The following UBXN7 variants were observed in gnomAD, a reference collection of about 807,000 sequenced individuals.
The protein encoded by UBXN7 is UBX domain-containing protein 7.
In UBXN7, 9 loss-of-function variants were observed where a neutral mutation model predicts 58.0. That is an observed-to-expected ratio of 0.16 (90% CI 0.09 to 0.27). The LOEUF is 0.27. Ranked by LOEUF, UBXN7 falls within the 10% of genes least tolerant of loss-of-function variation. UBXN7 has a pLI of 1.00. For missense variants in UBXN7, 328 were observed against 599.6 expected, an observed-to-expected ratio of 0.55 and a Z score of 4.73; for synonymous variants, 208 against 205.0, an observed-to-expected ratio of 1.01 and a Z score of -0.12.
chr3:196,422,732 A>G (rs1309274053), intron 1 of UBXN7, among the ~76,000 whole-genome samples: 1 of 152,136 alleles, frequency 6.6e-6, no homozygotes, highest in Non-Finnish European at 1.5e-5. Flanking sequence ...TTAGAAAGTT[A>G]ATATAACTAT....
In UBXN7 at chr3:196,362,584, C is replaced by A; in HGVS notation, c.938G>T (p.Arg313Leu). 1 of 1,614,154 alleles carries A rather than the reference C, an allele frequency of 6.2e-7. No homozygotes were observed. Among genetic ancestry groups the A allele is most frequent in the South Asian group, 1.1e-5 (1 of 91,080 alleles). Residue 313 changes from arginine (R) to leucine (L), a missense_variant, in exon 9 of 11, where the codon CGC becomes CTC. By Grantham distance (102) the Arg-to-Leu change is moderately radical. Transcript: ENST00000296328. Reference sequence around the variant, plus strand: ...TTCAGATTCAGATTCTTCATCTGAGCGGCTATCCTGTTTTGTCTGTGTTGA... The same window carrying A: ...TTCAGATTCAGATTCTTCATCTGAGAGGCTATCCTGTTTTGTCTGTGTTGA... ...FDSTQTKQDS[R>L]SDEESESELF...
intron 1 of UBXN7, among the ~76,000 whole-genome samples, chr3:196,428,029 CAGG>C (rs773972845): frequency 5.3e-5 from 8 of 152,166 alleles, no homozygotes; most frequent in Admixed American, 2.0e-4. Context: ...GAGGCTGAAG[CAGG>C]AGAACTGCTT....
At chr3:196,385,695 G>A (rs546209578) in intron 5 of UBXN7, among the ~76,000 whole-genome samples, 18 of 149,814 alleles carry the variant, frequency 1.2e-4, no homozygotes, top group East Asian at 6.0e-4. Flanking sequence ...CCCAGCAGCC[G>A]CCCCGTCTGG....
chr3:196,404,302 G>A (rs1486407249), intron 2 of UBXN7, among the ~76,000 whole-genome samples: 11 of 147,950 alleles, frequency 7.4e-5, no homozygotes, highest in Admixed American at 2.0e-4. Context: ...TCACTCTGTG[G>A]CCCAGGCTGG....
At chr3:196,419,592 G>A (rs544427029) in intron 1 of UBXN7, among the ~76,000 whole-genome samples, 3 of 152,262 alleles carry the variant, frequency 2.0e-5, no homozygotes, top group African/African-American at 7.2e-5. Context: ...TCAGAAACAG[G>A]AGCTAACTGA....
intron 5 of UBXN7, among the ~76,000 whole-genome samples, chr3:196,377,280 T>G (rs1054903465): frequency 9.2e-5 from 14 of 152,192 alleles, no homozygotes; most frequent in East Asian, 1.9e-4. Context: ...TTGGCCTCAG[T>G]GCTCTGCTCA....
chr3:196,402,450 C>T (rs1730023617), intron 3 of UBXN7, among the ~76,000 whole-genome samples: 1 of 152,142 alleles, frequency 6.6e-6, no homozygotes, highest in East Asian at 1.9e-4. Flanking sequence ...AACTCTTTGG[C>T]TTACAAAAGG....
intron 10 of UBXN7, 113 bp from the exon 11 acceptor site, chr3:196,356,959 G>T (rs1728367720): frequency 7.5e-7 from 1 of 1,338,604 alleles, no homozygotes. Context: ...GCTATTAAAT[G>T]TAAGTTCTTC....
chr3:196,417,186 G>A (rs970048057), intron 1 of UBXN7, among the ~76,000 whole-genome samples: 7 of 151,990 alleles, frequency 4.6e-5, no homozygotes, highest in East Asian at 1.9e-4. Flanking sequence ...GGTGGCGGGC[G>A]CTTGTAGTCC....
intron 5 of UBXN7, among the ~76,000 whole-genome samples, chr3:196,391,343 C>T (rs978774871): frequency 1.3e-5 from 2 of 151,998 alleles, no homozygotes; most frequent in Non-Finnish European, 2.9e-5. Context: ...AAATATAAAT[C>T]AATGTAACCT....
At chr3:196,381,977 A>G (rs1000057824) in intron 5 of UBXN7, among the ~76,000 whole-genome samples, 1 of 152,178 alleles carries the variant, frequency 6.6e-6, no homozygotes, top group African/African-American at 2.4e-5. Context: ...CCTCCAAGAA[A>G]TATGAGACTA....
chr3:196,402,665 GAAAATA>G, intron 3 of UBXN7, among the ~76,000 whole-genome samples: 1 of 152,122 alleles, frequency 6.6e-6, no homozygotes, highest in East Asian at 1.9e-4. Context: ...TAGGTATCCA[GAAAATA>G]AAAATAATCA....
At chr3:196,419,592 G>C (rs544427029) in intron 1 of UBXN7, among the ~76,000 whole-genome samples, 13 of 152,144 alleles carry the variant, frequency 8.5e-5, no homozygotes, top group Non-Finnish European at 1.5e-4. Flanking sequence ...TCAGAAACAG[G>C]AGCTAACTGA....
At chr3:196,390,728 A>AG (rs1386722374) in intron 5 of UBXN7, among the ~76,000 whole-genome samples, 2 of 150,466 alleles carry the variant, frequency 1.3e-5, no homozygotes, top group Admixed American at 6.6e-5. Flanking sequence ...CTCCATCTCA[A>AG]GGAAAAAAAA....
chr3:196,426,385 C>CAA lies in UBXN7; in HGVS notation c.73+5940_73+5941dup, dbSNP rs58979892. ...TGGGTGACAGGATAAGACTTCGTCT[C>CAA]AAAAAAAAAAAAAAAAAGAAATTCT... On this transcript the variant is annotated intron_variant, in intron 1 of 10. Transcript: ENST00000296328. Among the ~76,000 whole-genome samples the CAA allele has an allele frequency of 4.9e-3, 556 of 114,022 alleles. 3 individuals are homozygous for CAA. The highest frequency in any genetic ancestry group is 0.019 in the East Asian group (78 of 4,208). 74.8% of individuals were successfully genotyped at this position (114,022 alleles called of 152,430 possible).
intron 6 of UBXN7, among the ~76,000 whole-genome samples, chr3:196,370,277 T>G (rs991534642): frequency 4.0e-5 from 6 of 149,046 alleles, no homozygotes; most frequent in South Asian, 2.1e-4. Context: ...TTTTGTTTTT[T>G]TTTGTTTGTT....
rs544074449 is a variant in UBXN7, at chr3:196,383,523, T to C, written c.468+8290A>G. 6.6e-4 allele frequency among the ~76,000 whole-genome samples: 100 copies of C among 152,292 alleles called. 1 individual carries two copies. In the South Asian group the frequency reaches 0.012, roughly 18 times the overall value. Reference sequence around the variant, plus strand: ...TCTTCTCAGCACCACATCACACTTATTCCAAAACTGACCACATAGTTGGAA... The same window carrying C: ...TCTTCTCAGCACCACATCACACTTACTCCAAAACTGACCACATAGTTGGAA... On this transcript the variant is annotated intron_variant, in intron 5 of 10. Coordinates refer to ENST00000296328, the MANE Select transcript of UBXN7 (RefSeq NM_015562.2).
chr3:196,408,097 CAAAA>C (rs71621241), intron 1 of UBXN7, among the ~76,000 whole-genome samples: 4 of 45,244 alleles, frequency 8.8e-5, no homozygotes, highest in East Asian at 7.8e-4. Context: ...GACTCTGTCT[CAAAA>C]AAAAAAAAAA....
chr3:196,397,230 G>C (rs1372697838), intron 3 of UBXN7, among the ~76,000 whole-genome samples: 3 of 152,148 alleles, frequency 2.0e-5, no homozygotes, highest in Non-Finnish European at 1.5e-5. Flanking sequence ...AAGCCAAAGA[G>C]ACTAAGCTAT....
Sources: gnomAD v4.1 joint callset for allele counts (sites outside exome capture counted in the v4.1 genomes callset) on GRCh38, gnomAD v4.1.1 for gene constraint, MANE v1.5 for transcripts, NCBI Gene and HGNC (gene_info 2026-07-23, HGNC 2026-07-21) for gene names.